The following LAMB1 variants were observed in gnomAD, a reference collection of about 807,000 sequenced individuals.
The protein encoded by LAMB1 is laminin subunit beta 1, also known as laminin subunit beta-1.
LAMB1 carries 121 observed loss-of-function variants against 222.3 expected under a neutral mutation model. That is an observed-to-expected ratio of 0.54 (90% CI 0.47 to 0.63). The LOEUF (loss-of-function observed/expected upper bound fraction) is 0.63. Ranked by LOEUF, LAMB1 falls within the 30% of genes least tolerant of loss-of-function variation. The pLI is 0.00. For missense variants in LAMB1, 2,172 were observed against 2,240.8 expected, an observed-to-expected ratio of 0.97 and a Z score of 0.62; for synonymous variants, 794 against 807.2, an observed-to-expected ratio of 0.98 and a Z score of 0.28.
In LAMB1 at chr7:107,961,626, C is replaced by A. The variant is rs768905252; in HGVS notation, c.1908G>T (p.Arg636Ser). The A allele has an allele frequency of 1.2e-6, 2 of 1,614,008 alleles. No homozygotes were observed. The highest frequency in any genetic ancestry group is 2.7e-5 in the African/African-American group (2 of 74,914). The change falls in exon 16 of 34, where the codon AGG (arginine) becomes AGT (serine). Residue 636 changes from arginine to serine, a missense_variant. Physicochemically the swap from Arg to Ser is moderately radical, Grantham distance 110 (BLOSUM62 -1). Transcript: ENST00000222399. ...TACCACATCGGCTGCTGGTTGGAAT[C>A]CTTCCAGGTCGCTGCACTGTGATGA... is the stretch of plus-strand genomic sequence containing the variant. ...KAVITVQRPG[R>S]IPTSSRCGNT...
chr7:107,991,108 G>C (rs2034172945), intron 5 of LAMB1, among the ~76,000 whole-genome samples: 1 of 151,946 alleles, frequency 6.6e-6, no homozygotes, highest in Non-Finnish European at 1.5e-5. Flanking sequence ...CAGAAATCTG[G>C]ATCTTTAAGA....
chr7:107,983,952 T>A (rs2034022970), intron 7 of LAMB1, among the ~76,000 whole-genome samples: 1 of 152,204 alleles, frequency 6.6e-6, no homozygotes, highest in Non-Finnish European at 1.5e-5. Flanking sequence ...GACTGCCATT[T>A]AATAGCCATA....
intron 24 of LAMB1, among the ~76,000 whole-genome samples, chr7:107,944,088 G>T (rs1409374116): frequency 7.2e-5 from 11 of 152,192 alleles, no homozygotes; most frequent in Non-Finnish European, 1.5e-4. Context: ...TATGCTTATA[G>T]TTTGCTTAGA....
chr7:107,968,342 C>A (rs537651264), intron 13 of LAMB1, among the ~76,000 whole-genome samples: 1 of 152,132 alleles, frequency 6.6e-6, no homozygotes, highest in Non-Finnish European at 1.5e-5. Flanking sequence ...TTCATTAAAT[C>A]AGTAAGGGAG....
At chr7:107,959,612 G>A (rs755564672) in intron 19 of LAMB1, 79 bp downstream of exon 19, 25 of 1,613,104 alleles carry the variant, frequency 1.5e-5, no homozygotes, top group African/African-American at 4.0e-5. Context: ...GGGAAGCATC[G>A]GCTCTGCAGC....
chr7:107,978,212 G>T (rs1195144438), intron 8 of LAMB1, 45 bp from the exon 9 acceptor site: 2 of 1,595,334 alleles, frequency 1.3e-6, no homozygotes, highest in South Asian at 1.1e-5. Context: ...AGAGATGTAT[G>T]AATAGCCACG....
intron 4 of LAMB1, 37 bp from the exon 5 acceptor site, chr7:107,994,997 A>C: frequency 8.9e-7 from 1 of 1,123,256 alleles, no homozygotes; most frequent in Non-Finnish European, 1.3e-6. Flanking sequence ...CAATAAATGA[A>C]ACTGTAAATA....
rs1364190737 is a variant in LAMB1, at chr7:108,001,592, T to G, written c.179A>C (p.Lys60Thr). The G allele has an allele frequency of 6.2e-7, 1 of 1,612,652 alleles. No homozygotes were observed. The highest frequency in any genetic ancestry group is 1.7e-5 in the Admixed American group (1 of 59,916). Residue 60 changes from lysine (K) to threonine (T), a missense_variant, in exon 3 of 34, where the codon AAG becomes ACG. Coordinates refer to ENST00000222399, the MANE Select transcript of LAMB1 (RefSeq NM_002291.3). ...GCTGACGATACAGTAGGGTTCGGGC[T>G]TGTGCAGCCCGCACGTCGAGGTCAC... is the stretch of plus-strand genomic sequence containing the variant. ...LSVTSTCGLH[K>T]PEPYCIVSHL... is the part of the protein sequence containing the mutation.
chr7:107,969,513 C>T (rs1365175236), intron 13 of LAMB1, among the ~76,000 whole-genome samples: 1 of 152,208 alleles, frequency 6.6e-6, no homozygotes, highest in East Asian at 1.9e-4. Flanking sequence ...CCACCCCCAA[C>T]TAGGACACTT....
chr7:107,937,414 G>A, intron 25 of LAMB1, 137 bp from the exon 26 acceptor site: 1 of 666,596 alleles, frequency 1.5e-6, no homozygotes, highest in Non-Finnish European at 2.5e-6. Context: ...ATCCCTAAGT[G>A]CTAGTTTTAT....
chr7:107,996,294 C>CTT (rs200588179), intron 4 of LAMB1, among the ~76,000 whole-genome samples: 2 of 151,988 alleles, frequency 1.3e-5, no homozygotes, highest in South Asian at 2.1e-4. Flanking sequence ...GCACTACAGG[C>CTT]TTTTTTTTAT....
rs749024901 is a variant in LAMB1 at position 107,986,246 on chromosome 7, G to A, written c.541C>T (p.Pro181Ser). 2.5e-6 allele frequency: 4 copies of A among 1,613,996 alleles called. No homozygotes were observed. The South Asian group carries it at 4.4e-5, about 18-fold the overall frequency. ...EASFPGISTG[P>S]MKKVDDIICD... ...ATTATGTCATCGACTTTTTTCATGG[G>A]GCCAGTTGAAATGCCTGGAAACGAG... Residue 181 changes from proline to serine, a missense_variant, in exon 6 of 34, where the codon CCC becomes TCC. Physicochemically the swap from Pro to Ser is moderately conservative, Grantham distance 74 (BLOSUM62 -1). Coordinates refer to ENST00000222399, the MANE Select transcript of LAMB1 (RefSeq NM_002291.3).
At chr7:107,940,905 C>T (rs375495500) in intron 24 of LAMB1, among the ~76,000 whole-genome samples, 9 of 152,208 alleles carry the variant, frequency 5.9e-5, no homozygotes, top group Non-Finnish European at 1.3e-4. Context: ...AAGCTCTTTA[C>T]GTACCTGACT....
intron 5 of LAMB1, among the ~76,000 whole-genome samples, chr7:107,987,005 TCAC>T (rs972483812): frequency 6.6e-6 from 1 of 152,208 alleles, no homozygotes; most frequent in African/African-American, 2.4e-5. Flanking sequence ...ACATGAATGT[TCAC>T]CACAGCAGTA....
chr7:108,003,014 G>A, intron 1 of LAMB1, 43 bp from the exon 2 acceptor site: 2 of 1,502,858 alleles, frequency 1.3e-6, no homozygotes, highest in South Asian at 1.3e-5. Flanking sequence ...AATGTTCAAA[G>A]AGAGAAGAGG....
intron 19 of LAMB1, 88 bp downstream of exon 19, chr7:107,959,603 G>A: frequency 6.2e-7 from 1 of 1,612,550 alleles, no homozygotes; most frequent in South Asian, 1.1e-5. Context: ...ACTTCAGGAG[G>A]GAAGCATCGG....
At chr7:107,977,976 C>T in intron 9 of LAMB1, 71 bp downstream of exon 9, 4 of 1,561,524 alleles carry the variant, frequency 2.6e-6, no homozygotes, top group Non-Finnish European at 3.5e-6. Context: ...TACACTGTTA[C>T]AGTACCTCTA....
intron 5 of LAMB1, among the ~76,000 whole-genome samples, chr7:107,991,530 T>A (rs1214591458): frequency 6.6e-6 from 1 of 150,614 alleles, no homozygotes; most frequent in East Asian, 1.9e-4. Flanking sequence ...GAGGCTGCAG[T>A]GAGCCAAGAT....
intron 13 of LAMB1, among the ~76,000 whole-genome samples, chr7:107,965,590 T>C (rs1271551883): frequency 6.6e-6 from 1 of 151,958 alleles, no homozygotes; most frequent in Non-Finnish European, 1.5e-5. Flanking sequence ...TCAGCTTATG[T>C]CCCTTTTATT....
Sources: gnomAD v4.1 joint callset for allele counts (sites outside exome capture counted in the v4.1 genomes callset) on GRCh38, gnomAD v4.1.1 for gene constraint, MANE v1.5 for transcripts, NCBI Gene and HGNC (gene_info 2026-07-23, HGNC 2026-07-21) for gene names.